The following RBFOX1 variants were observed in gnomAD, a reference collection of about 807,000 sequenced individuals.
RBFOX1 encodes the protein RNA binding fox-1 homolog 1.
Under a neutral mutation model 57.7 loss-of-function variants are expected in RBFOX1, and 8 were observed. The observed-to-expected ratio is 0.14, with a 90% CI of 0.08 to 0.25. RBFOX1 has a LOEUF of 0.25. Among genes scored for constraint, RBFOX1 ranks in the 10% least tolerant of loss-of-function variants. RBFOX1 has a pLI of 1.00. For synonymous variants in RBFOX1, 326 were observed against 222.4 expected, an observed-to-expected ratio of 1.47 and a Z score of -4.15; for missense variants, 611 against 548.5, an observed-to-expected ratio of 1.11 and a Z score of -1.14.
At chr16:6,358,394 C>G (rs531927532) in intron 2 of RBFOX1, among the ~76,000 whole-genome samples, 1 of 152,272 alleles carries the variant, frequency 6.6e-6, no homozygotes, top group South Asian at 2.1e-4. Context: ...CATTGTCAGG[C>G]CTTGTCTCAT....
chr16:5,795,471 T>G (rs909714028), intron 3 of RBFOX1, among the ~76,000 whole-genome samples: 1 of 152,104 alleles, frequency 6.6e-6, no homozygotes, highest in Admixed American at 6.5e-5. Context: ...CGTGGCTAAA[T>G]TTTTAATTTT....
At chr16:5,948,892 C>G (rs149678337) in intron 4 of RBFOX1, among the ~76,000 whole-genome samples, 1 of 152,206 alleles carries the variant, frequency 6.6e-6, no homozygotes, top group Non-Finnish European at 1.5e-5. Flanking sequence ...ATTTTATTCA[C>G]TCACCCAACA....
chr16:5,719,159 T>C (rs1445650369), intron 3 of RBFOX1, among the ~76,000 whole-genome samples: 1 of 151,858 alleles, frequency 6.6e-6, no homozygotes, highest in Non-Finnish European at 1.5e-5. Context: ...GCTTAGCGTA[T>C]CTACGGAGTT....
intron 1 of RBFOX1, among the ~76,000 whole-genome samples, chr16:6,236,404 A>G (rs1033453239): frequency 6.6e-5 from 10 of 151,972 alleles, no homozygotes; most frequent in African/African-American, 2.2e-4. Context: ...AATACAGGAA[A>G]TACCCAGTAA....
chr16:7,306,565 TGTG>T (rs1406096678), intron 4 of RBFOX1, among the ~76,000 whole-genome samples: 3 of 128,660 alleles, frequency 2.3e-5, no homozygotes, highest in African/African-American at 9.1e-5. Flanking sequence ...TATGACATAA[TGTG>T]GGAATGGTGT....
chr16:7,221,234 G>T (rs976157369), intron 4 of RBFOX1, among the ~76,000 whole-genome samples: 1 of 152,146 alleles, frequency 6.6e-6, no homozygotes, highest in African/African-American at 2.4e-5. Context: ...AGTTTGTAAA[G>T]TGTTAGAATA....
chr16:6,071,178 G>C (rs7196039), intron 1 of RBFOX1, among the ~76,000 whole-genome samples: 1 of 151,968 alleles, frequency 6.6e-6, no homozygotes, highest in Admixed American at 6.6e-5. Context: ...AAAAATTAGC[G>C]GGACGTGTGG....
chr16:7,360,934 G>A (rs138562576), intron 4 of RBFOX1, among the ~76,000 whole-genome samples: 9 of 152,274 alleles, frequency 5.9e-5, no homozygotes, highest in Non-Finnish European at 8.8e-5. Flanking sequence ...CATCCACTGC[G>A]TATGAGTTTT....
In RBFOX1 at chr16:6,854,587, A is replaced by ATTTTTTTTTTTTTTTTTTTT. The variant is rs71147611; in HGVS notation, c.-15-197464_-15-197445dup. 2.3e-4 allele frequency among the ~76,000 whole-genome samples: 16 copies of ATTTTTTTTTTTTTTTTTTTT among 70,650 alleles called. 1 individual carries two copies. The highest frequency in any genetic ancestry group is 2.6e-4 in the Non-Finnish European group (10 of 39,150). The allele number at this position is 70,650 out of a possible 152,430, so 46.3% of individuals were successfully genotyped here. Reference sequence around the variant, plus strand: ...CCTCCCTGCCAACTAGGAGAGGTGAATTTTTTTTTTTTTTTTTTTTTTTTT... The same window carrying ATTTTTTTTTTTTTTTTTTTT: ...CCTCCCTGCCAACTAGGAGAGGTGAATTTTTTTTTTTTTTTTTTTTTTTTTTTTTTTTTTTTTTTTTTTTT... On this transcript the variant is annotated intron_variant, in intron 3 of 15. Coordinates refer to ENST00000550418, the MANE Select transcript of RBFOX1 (RefSeq NM_018723.4).
chr16:7,458,256 C>T (rs527977641), intron 4 of RBFOX1, among the ~76,000 whole-genome samples: 3 of 152,226 alleles, frequency 2.0e-5, no homozygotes, highest in East Asian at 1.9e-4. Context: ...AAAGGACCAG[C>T]GTCTAATGAC....
chr16:6,554,279 C>G (rs949735581), intron 2 of RBFOX1, among the ~76,000 whole-genome samples: 25 of 152,104 alleles, frequency 1.6e-4, no homozygotes, highest in Admixed American at 5.2e-4. Flanking sequence ...AAACAATCTT[C>G]TTTCATTTAG....
chr16:5,650,360 G>A (rs1029019910), intron 3 of RBFOX1, among the ~76,000 whole-genome samples: 4 of 152,090 alleles, frequency 2.6e-5, no homozygotes, highest in African/African-American at 9.7e-5. Context: ...TGTGGAGGGA[G>A]GGAGGGAGCC....
intron 3 of RBFOX1, among the ~76,000 whole-genome samples, chr16:6,823,514 C>T (rs917355073): frequency 2.0e-5 from 3 of 151,632 alleles, no homozygotes; most frequent in Non-Finnish European, 4.4e-5. Context: ...GCCTCAGTCT[C>T]CCAAAGTGCT....
At chr16:7,551,829 T>G (rs1601627217) in intron 5 of RBFOX1, among the ~76,000 whole-genome samples, 4 of 152,196 alleles carry the variant, frequency 2.6e-5, no homozygotes, top group African/African-American at 4.8e-5. Flanking sequence ...TTCTTTTTTC[T>G]TTTTCCAACA....
chr16:6,709,008 G>A (rs1174271842), intron 3 of RBFOX1, among the ~76,000 whole-genome samples: 5 of 150,974 alleles, frequency 3.3e-5, no homozygotes, highest in East Asian at 1.9e-4. Flanking sequence ...TTTATTCCCT[G>A]ACTGTGCCTC....
chr16:7,178,761 C>G (rs2082139271), intron 4 of RBFOX1, among the ~76,000 whole-genome samples: 1 of 152,160 alleles, frequency 6.6e-6, no homozygotes, highest in Admixed American at 6.6e-5. Context: ...AAAAGTCAAG[C>G]ACATTATACT....
intron 3 of RBFOX1, among the ~76,000 whole-genome samples, chr16:6,955,954 C>T (rs933357772): frequency 1.3e-4 from 20 of 150,738 alleles, no homozygotes; most frequent in Non-Finnish European, 7.3e-5. Context: ...GATCCAACCA[C>T]CTTGGCCTCC....
intron 2 of RBFOX1, among the ~76,000 whole-genome samples, chr16:6,569,325 C>G (rs1243453064): frequency 6.6e-6 from 1 of 152,098 alleles, no homozygotes; most frequent in South Asian, 2.1e-4. Flanking sequence ...GAATAGGATC[C>G]TAGTAGTATC....
intron 3 of RBFOX1, among the ~76,000 whole-genome samples, chr16:6,811,275 A>C (rs1171727675): frequency 6.6e-6 from 1 of 152,240 alleles, no homozygotes; most frequent in African/African-American, 2.4e-5. Flanking sequence ...GAACAAAAGA[A>C]GAGAAATAGA....
Sources: gnomAD v4.1 joint callset for allele counts (sites outside exome capture counted in the v4.1 genomes callset) on GRCh38, gnomAD v4.1.1 for gene constraint, MANE v1.5 for transcripts, NCBI Gene and HGNC (gene_info 2026-07-23, HGNC 2026-07-21) for gene names.